The following USH2A variants were observed in gnomAD, a reference collection of about 807,000 sequenced individuals.
USH2A encodes the protein usherin.
A neutral mutation model predicts 538.9 loss-of-function variants in USH2A; 443 were observed. The observed-to-expected ratio is 0.82, with a 90% CI of 0.76 to 0.89. The LOEUF (loss-of-function observed/expected upper bound fraction) is 0.89, where lower values mean the gene tolerates loss of function less well. Ranked by LOEUF, USH2A falls within the 40% of genes least tolerant of loss-of-function variation. USH2A has a pLI of 0.00. For missense variants in USH2A, 6,633 were observed against 6,324.8 expected, an observed-to-expected ratio of 1.05 and a Z score of -1.65; for synonymous variants, 2,413 against 2,273.5, an observed-to-expected ratio of 1.06 and a Z score of -1.75.
intron 34 of USH2A, among the ~76,000 whole-genome samples, chr1:215,995,585 AC>A (rs111829474): frequency 0.037 from 5,658 of 152,292 alleles, 276 homozygotes; most frequent in African/African-American, 0.12. Flanking sequence ...AGAGGCCACT[AC>A]ATTCAATACA....
chr1:216,049,962 C>T (rs1383357213), intron 30 of USH2A, among the ~76,000 whole-genome samples: 2 of 152,188 alleles, frequency 1.3e-5, no homozygotes, highest in African/African-American at 2.4e-5. Context: ...AACTAATATA[C>T]ACACATGTGT....
rs1655921893 is a variant in USH2A at position 215,624,393 on chromosome 1, G to GAC, written c.*1386_*1387dup. The GAC allele has an allele frequency of 1.3e-5, 2 of 152,070 alleles. No homozygotes were observed. The highest frequency in any genetic ancestry group is 2.4e-5 in the African/African-American group (1 of 41,408). The allele number at this position is 152,070 out of a possible 1,614,324, so 9.4% of individuals were successfully genotyped here. A position where few individuals can be genotyped will look rare whatever the true frequency, so the allele number is the denominator to read the frequency against. On this transcript the variant is annotated 3_prime_UTR_variant, in exon 72 of 72. Coordinates refer to ENST00000307340, the MANE Select transcript of USH2A (RefSeq NM_206933.4). ...CATTGTTTTCAGGCAGAATAAGTAAGACTATCCCTTACTTTACAAGTTTTT... is the reference window on the plus strand; with the variant it reads ...CATTGTTTTCAGGCAGAATAAGTAAGACACTATCCCTTACTTTACAAGTTTTT...
At chr1:215,985,753 A>G (rs1398470526) in intron 35 of USH2A, among the ~76,000 whole-genome samples, 2 of 152,182 alleles carry the variant, frequency 1.3e-5, no homozygotes, top group Non-Finnish European at 2.9e-5. Flanking sequence ...TCATCTCTTA[A>G]TGTGAAGGAC....
At chr1:216,231,259 A>ATGT (rs1491391548) in intron 14 of USH2A, among the ~76,000 whole-genome samples, 1 of 98,116 alleles carries the variant, frequency 1.0e-5, no homozygotes, top group African/African-American at 3.6e-5. Flanking sequence ...TTATATATAT[A>ATGT]ATATATATAT....
At position 216,166,633 on chromosome 1, in the gene USH2A, A is replaced by G. The variant is rs2034174523; in HGVS notation, c.4627+8619T>C. 2.0e-5 allele frequency among the ~76,000 whole-genome samples: 3 copies of G among 152,134 alleles called. No individual in the cohort carries two copies. The South Asian group carries it at 6.2e-4, about 31-fold the overall frequency. ...AACGGCCAGAGGAGGAATCATTAAT[A>G]GAATGGGAGGAAATGAGTGAATAGT... On this transcript the variant is annotated intron_variant, in intron 21 of 71. Transcript: ENST00000307340.
rs2102606347 is a variant in USH2A, at chr1:216,289,342, C to T, written c.1909G>A (p.Val637Ile). 1.2e-6 allele frequency: 2 copies of T among 1,613,950 alleles called. No homozygotes were observed. The highest frequency in any genetic ancestry group is 1.7e-6 in the Non-Finnish European group (2 of 1,179,866). Residue 637 changes from valine to isoleucine, a missense_variant, in exon 11 of 72, where the codon GTT becomes ATT. Physicochemically the swap from Val to Ile is conservative, Grantham distance 29 (BLOSUM62 3). Transcript: ENST00000307340. ...GTATCACAGTCACAGGGTTTGCAAA[C>T]ATCTATGGCCGAAGGATCTGCACCA... The part of the protein sequence containing the change: ...QVGADPSAID[V>I]CKPCDCDTVG...
chr1:215,803,117 T>A (rs1294287110), intron 49 of USH2A, among the ~76,000 whole-genome samples: 1 of 152,112 alleles, frequency 6.6e-6, no homozygotes, highest in Non-Finnish European at 1.5e-5. Context: ...AAATTAGGTA[T>A]TGATGGGATG....
chr1:216,196,683 G>A lies in USH2A; in HGVS notation c.4121C>T (p.Ser1374Phe). The A allele has an allele frequency of 6.2e-7, 1 of 1,613,462 alleles. No homozygotes were observed. Residue 1374 changes from serine (S) to phenylalanine (F), a missense_variant, in exon 19 of 72, where the codon TCT becomes TTT. By Grantham distance (155) the Ser-to-Phe change is radical. Coordinates refer to ENST00000307340, the MANE Select transcript of USH2A (RefSeq NM_206933.4). ...FMIPPSVFPL[S>F]SYSLNISWEK... is the part of the protein sequence containing the mutation. ...CCAGGAGATATTGAGAGAGTACGAA[G>A]AGAGGGGAAAGACTGAAGGAGGGAT...
At chr1:216,293,530 A>G (rs1389979176) in intron 9 of USH2A, among the ~76,000 whole-genome samples, 2 of 152,218 alleles carry the variant, frequency 1.3e-5, no homozygotes, top group Non-Finnish European at 2.9e-5. Flanking sequence ...ACCTTCACTA[A>G]GTAGCTCTGG....
intron 68 of USH2A, among the ~76,000 whole-genome samples, chr1:215,639,576 T>A (rs2102635004): frequency 6.6e-6 from 1 of 152,344 alleles, no homozygotes; most frequent in East Asian, 1.9e-4. Flanking sequence ...ACAGGTGTAC[T>A]TTCCACTAAA....
chr1:216,200,489 C>A (rs2034961530), intron 16 of USH2A, among the ~76,000 whole-genome samples: 1 of 152,160 alleles, frequency 6.6e-6, no homozygotes, highest in East Asian at 1.9e-4. Flanking sequence ...CTAAACACAC[C>A]AGACTAAGGG....
At chr1:216,096,900 A>T (rs1295012869) in intron 22 of USH2A, among the ~76,000 whole-genome samples, 183 bp downstream of exon 22, 3 of 152,242 alleles carry the variant, frequency 2.0e-5, no homozygotes, top group African/African-American at 7.2e-5. Flanking sequence ...CCGCTATTTT[A>T]GCTGAGGGCA....
chr1:215,887,322 A>C (rs1034763639), intron 41 of USH2A, among the ~76,000 whole-genome samples: 11 of 152,084 alleles, frequency 7.2e-5, no homozygotes, highest in African/African-American at 2.7e-4. Flanking sequence ...CCAAAGTTTT[A>C]CAAAACTCCC....
chr1:215,870,449 C>G (rs1220080974), intron 43 of USH2A, among the ~76,000 whole-genome samples: 1 of 148,630 alleles, frequency 6.7e-6, no homozygotes, highest in Non-Finnish European at 1.5e-5. Flanking sequence ...TGTCAGCCAC[C>G]ACTCCTAGCT....
intron 44 of USH2A, among the ~76,000 whole-genome samples, chr1:215,852,702 G>C (rs964812717): frequency 3.9e-5 from 6 of 152,174 alleles, no homozygotes; most frequent in African/African-American, 1.4e-4. Context: ...TGTTCCAAAT[G>C]GGAGAAATTG....
At position 216,088,993 on chromosome 1, in the gene USH2A, A is replaced by G. The variant is rs1158330267; in HGVS notation, c.4885+20T>C. 2 of 1,612,866 alleles carry G rather than the reference A, an allele frequency of 1.2e-6. No individual in the cohort carries two copies. The highest frequency in any genetic ancestry group is 2.7e-5 in the African/African-American group (2 of 74,860). The stretch of plus-strand genomic sequence containing the variant: ...CCAACATATCAACAGGGCTATTTAT[A>G]CATATCAAAAAGTACTTACCTGTAT... On this transcript the variant is annotated intron_variant, in intron 23 of 71. Transcript: ENST00000307340.
At chr1:215,975,542 G>A (rs1206607750) in intron 35 of USH2A, among the ~76,000 whole-genome samples, 2 of 152,284 alleles carry the variant, frequency 1.3e-5, no homozygotes, top group African/African-American at 2.4e-5. Context: ...AGGCTAGCAA[G>A]CTACCCCAGC....
chr1:216,158,429 T>G lies in USH2A; in HGVS notation c.4627+16823A>C, dbSNP rs151173684. ...TTCAGCTTTTTGTAGAGATGAGGTC[T>G]CACTATGTCACCCAGGCTAGTCTTG... On this transcript the variant is annotated intron_variant, in intron 21 of 71. Coordinates refer to ENST00000307340, the MANE Select transcript of USH2A (RefSeq NM_206933.4). 4.8e-3 allele frequency among the ~76,000 whole-genome samples: 732 copies of G among 152,162 alleles called. 3 individuals are homozygous for G. The highest frequency in any genetic ancestry group is 0.017 in the African/African-American group (695 of 41,518).
At chr1:215,886,904 C>A (rs183674009) in intron 41 of USH2A, among the ~76,000 whole-genome samples, 69 of 152,184 alleles carry the variant, frequency 4.5e-4, no homozygotes, top group African/African-American at 1.6e-3. Context: ...GTCGCCCAGG[C>A]TGGAGTGCAG....
Sources: gnomAD v4.1 joint callset for allele counts (sites outside exome capture counted in the v4.1 genomes callset) on GRCh38, gnomAD v4.1.1 for gene constraint, MANE v1.5 for transcripts, NCBI Gene and HGNC (gene_info 2026-07-23, HGNC 2026-07-21) for gene names.